The following RGS22 variants were observed in gnomAD, a reference collection of about 807,000 sequenced individuals.
The protein encoded by RGS22 is regulator of G protein signaling 22.
In RGS22, 148 loss-of-function variants were observed where a neutral mutation model predicts 172.9. The ratio of observed to expected loss-of-function variants is 0.86; its 90% CI spans 0.75 to 0.98. RGS22 has a LOEUF of 0.98. Among genes scored for constraint, RGS22 ranks in the 50% least tolerant of loss-of-function variants. The pLI is 0.00. For missense variants in RGS22, 1,347 were observed against 1,440.8 expected, an observed-to-expected ratio of 0.93 and a Z score of 1.05; for synonymous variants, 458 against 480.2, an observed-to-expected ratio of 0.95 and a Z score of 0.60.
At chr8:99,984,544 G>A (rs866810566) in intron 21 of RGS22, among the ~76,000 whole-genome samples, 1 of 151,914 alleles carries the variant, frequency 6.6e-6, no homozygotes, top group Non-Finnish European at 1.5e-5. Context: ...AGCTTTCTGT[G>A]ACTCTCAGTC....
intron 20 of RGS22, among the ~76,000 whole-genome samples, chr8:99,995,338 A>C (rs966824605): frequency 2.0e-5 from 3 of 152,202 alleles, no homozygotes; most frequent in Admixed American, 6.5e-5. Context: ...CAACCTACAA[A>C]ATGGGAGAAA....
In RGS22 at chr8:99,999,365, G is replaced by T. The variant is rs1814750228; in HGVS notation, c.2846C>A (p.Pro949His). Residue 949 changes from proline to histidine, a missense_variant, in exon 19 of 28, where the codon CCT becomes CAT. Physicochemically the swap from Pro to His is moderately conservative, Grantham distance 77. Transcript: ENST00000360863. ...ATGCTTCTGGATTTCAACTAGAACA[G>T]GTGCATCAAGCTGCTCATGAAGAAT... ...GKILHEQLDA[P>H]VLVEIQKHVQ... 1 of 1,613,728 alleles carries T rather than the reference G, an allele frequency of 6.2e-7. No individual in the cohort carries two copies. The highest frequency in any genetic ancestry group is 1.3e-5 in the African/African-American group (1 of 74,860).
chr8:99,981,796 A>C, intron 22 of RGS22, 141 bp downstream of exon 22: 5 of 571,668 alleles, frequency 8.7e-6, no homozygotes, highest in Non-Finnish European at 1.4e-5. Flanking sequence ...TCCTGAGCTC[A>C]AACAATCTGC....
At chr8:100,092,768 G>C (rs1812681500) in intron 3 of RGS22, among the ~76,000 whole-genome samples, 1 of 152,076 alleles carries the variant, frequency 6.6e-6, no homozygotes, top group Non-Finnish European at 1.5e-5. Flanking sequence ...TATGGACTAG[G>C]ACATCCCTTA....
Position 99,992,342 on chromosome 8 carries a change from AC to A in RGS22, c.3018+4119del, listed in dbSNP as rs754658841. ...CTGGCAAATTGGATAAAGAGTCAAG[AC>A]CCATCAGTGTGCTGTATTCAGGAGA... On this transcript the variant is annotated intron_variant, in intron 20 of 27. Transcript: ENST00000360863. 4.6e-5 allele frequency among the ~76,000 whole-genome samples: 7 copies of A among 152,302 alleles called. No individual in the cohort carries two copies. The East Asian group carries it at 1.4e-3, about 29-fold the overall frequency.
chr8:100,023,706 T>TTA (rs1264641821), intron 14 of RGS22, among the ~76,000 whole-genome samples: 7 of 152,180 alleles, frequency 4.6e-5, no homozygotes, highest in Admixed American at 1.3e-4. Context: ...AATGCTGGGA[T>TTA]TATAGGTGCG....
intron 11 of RGS22, among the ~76,000 whole-genome samples, chr8:100,045,555 T>C (rs1338372218): frequency 3.9e-5 from 6 of 152,070 alleles, no homozygotes; most frequent in Non-Finnish European, 5.9e-5. Flanking sequence ...TAATGCATAC[T>C]ATGTTGGTGA....
At chr8:99,992,807 A>G (rs865869496) in intron 20 of RGS22, among the ~76,000 whole-genome samples, 32 of 152,350 alleles carry the variant, frequency 2.1e-4, no homozygotes, top group Admixed American at 5.9e-4. Context: ...AATCAACAGA[A>G]TATACATTCT....
At chr8:100,101,443 ATT>A (rs57644659) in intron 2 of RGS22, among the ~76,000 whole-genome samples, 35,710 of 116,668 alleles carry the variant, frequency 0.31, 5,098 homozygotes, top group East Asian at 0.51. Flanking sequence ...TGCCCAGCTA[ATT>A]TTTTTTTTTT....
At chr8:99,973,157 T>TC (rs1811556467) in intron 23 of RGS22, among the ~76,000 whole-genome samples, 2 of 152,094 alleles carry the variant, frequency 1.3e-5, no homozygotes, top group Admixed American at 1.3e-4. Flanking sequence ...AGCAATCCCA[T>TC]TACTGGGGAT....
chr8:100,101,802 G>C (rs1287681241), intron 2 of RGS22, among the ~76,000 whole-genome samples: 2 of 151,240 alleles, frequency 1.3e-5, no homozygotes, highest in Admixed American at 6.6e-5. Flanking sequence ...ATAACAGCAT[G>C]GTACTTTTAG....
intron 11 of RGS22, among the ~76,000 whole-genome samples, chr8:100,046,750 G>C (rs1435632870): frequency 1.3e-5 from 2 of 151,672 alleles, no homozygotes; most frequent in African/African-American, 4.9e-5. Flanking sequence ...GGCATTTGAG[G>C]CTGCTTTTTC....
At position 100,016,231 on chromosome 8, in the gene RGS22, C is replaced by G. The variant is rs186477636; in HGVS notation, c.2167-7662G>C. On this transcript the variant is annotated intron_variant, in intron 14 of 27. Coordinates refer to ENST00000360863, the MANE Select transcript of RGS22 (RefSeq NM_015668.5). ...ATACTCGAATGCCAACATCTCAAAC[C>G]AAGAATATACAATTTAGAACTTGGG... 3.3e-5 allele frequency among the ~76,000 whole-genome samples: 5 copies of G among 152,184 alleles called. No homozygotes were observed. In the East Asian group the frequency reaches 7.7e-4, roughly 24 times the overall value.
At chr8:100,098,907 TTTTATTTTATTTTATTTTA>T (rs1813240033) in intron 2 of RGS22, among the ~76,000 whole-genome samples, 1 of 95,654 alleles carries the variant, frequency 1.0e-5, no homozygotes, top group Non-Finnish European at 2.2e-5. Flanking sequence ...TTTTATTTTA[TTTTATTTTATTTTATTTTA>T]TTTATTTTTT....
At chr8:100,000,187 A>G (rs144129127) in intron 18 of RGS22, among the ~76,000 whole-genome samples, 3 of 152,256 alleles carry the variant, frequency 2.0e-5, no homozygotes, top group East Asian at 1.9e-4. Context: ...TTCTGTGTAC[A>G]TACCACTCAA....
At chr8:100,013,290 G>A (rs1369906178) in intron 14 of RGS22, among the ~76,000 whole-genome samples, 2 of 152,018 alleles carry the variant, frequency 1.3e-5, no homozygotes, top group African/African-American at 4.8e-5. Context: ...CGCCTGGCCT[G>A]ATTTCTTTTT....
At chr8:100,053,314 C>T (rs1821883273) in intron 9 of RGS22, among the ~76,000 whole-genome samples, 1 of 151,978 alleles carries the variant, frequency 6.6e-6, no homozygotes, top group African/African-American at 2.4e-5. Context: ...CCCAGCTACT[C>T]AGGGGGGTGA....
At chr8:100,020,159 C>A (rs921934531) in intron 14 of RGS22, among the ~76,000 whole-genome samples, 5 of 152,166 alleles carry the variant, frequency 3.3e-5, no homozygotes, top group Non-Finnish European at 5.9e-5. Context: ...GCTGGGATTA[C>A]AGGTGTGAGC....
At chr8:100,038,687 T>A (rs993917291) in intron 14 of RGS22, 1 of 331,710 alleles carries the variant, frequency 3.0e-6, no homozygotes, top group Non-Finnish European at 5.5e-6. Flanking sequence ...ATGTTCTTTA[T>A]CAGAAGAACA....
Sources: allele counts gnomAD v4.1 joint callset (sites outside exome capture counted in the v4.1 genomes callset), GRCh38; gene constraint gnomAD v4.1.1; transcripts MANE v1.5; gene names NCBI Gene and HGNC (gene_info 2026-07-23, HGNC 2026-07-21).